The following TOP1MT variants were observed in gnomAD, a reference collection of about 807,000 sequenced individuals.
TOP1MT encodes the protein DNA topoisomerase I, mitochondrial.
In TOP1MT, 80 loss-of-function variants were observed where a neutral mutation model predicts 73.9. The observed-to-expected ratio is 1.08, with a 90% confidence interval of 0.90 to 1.30. The LOEUF (loss-of-function observed/expected upper bound fraction) is 1.30. TOP1MT is among the 50% of genes most tolerant of loss of function. The pLI is 0.00. For missense variants in TOP1MT, 815 were observed against 808.0 expected (o/e 1.01, Z -0.10); for synonymous variants, 338 against 326.4 (o/e 1.04, Z -0.38).
Position 143,331,261 on chromosome 8 carries a change from G to A in TOP1MT, c.201C>T (p.Tyr67=), listed in dbSNP as rs184814384. The change falls in exon 2 of 14, where the codon TAC becomes TAT. Residue 67 remains tyrosine, a synonymous_variant. Transcript: ENST00000329245. ...EHKGPYFAPP[Y]EPLPDGVRFF... is the part of the protein sequence containing the mutation. ...AACGCACTCCGTCGGGAAGGGGCTC[G>A]TATGGGGGTGCGAAGTACGGGCCCT... The A allele has an allele frequency of 1.0e-4, 161 of 1,612,078 alleles. 1 individual carries two copies. The Middle Eastern group carries it at 1.5e-3, about 15-fold the overall frequency.
At chr8:143,345,154 C>T (rs1817198288), upstream of TOP1MT, among the ~76,000 whole-genome samples, 1 of 152,186 alleles carries the variant, frequency 6.6e-6, no homozygotes, top group African/African-American at 2.4e-5. Context: ...GGAGACTCCC[C>T]ATAGACAGGT....
At chr8:143,321,542 C>T (rs865869527) in intron 7 of TOP1MT, among the ~76,000 whole-genome samples, 156 bp from the exon 8 acceptor site, 7,507 of 125,872 alleles carry the variant, frequency 0.06, 440 homozygotes, top group Non-Finnish European at 0.085. Flanking sequence ...CACACACGCA[C>T]GCCACACACG....
intron 8 of TOP1MT, 64 bp downstream of exon 8, chr8:143,321,137 G>A (rs565784814): frequency 3.5e-5 from 52 of 1,469,822 alleles, no homozygotes; most frequent in East Asian, 2.0e-4. Flanking sequence ...GCTCCGGCAC[G>A]CCCCCAGACA....
At chr8:143,351,942 G>C (rs1019294359) in intron 1 of TOP1MT, among the ~76,000 whole-genome samples, 1 of 152,188 alleles carries the variant, frequency 6.6e-6, no homozygotes, top group African/African-American at 2.4e-5. Flanking sequence ...AATTAGCTGA[G>C]TGTGGTGGCA....
chr8:143,324,941 G>C (rs1265099875), intron 5 of TOP1MT, among the ~76,000 whole-genome samples: 1 of 152,210 alleles, frequency 6.6e-6, no homozygotes, highest in Non-Finnish European at 1.5e-5. Flanking sequence ...CCTGGCCACT[G>C]GGGGTCCTGC....
At chr8:143,328,180 C>A (rs906550442) in intron 3 of TOP1MT, 3 of 450,640 alleles carry the variant, frequency 6.7e-6, no homozygotes, top group African/African-American at 2.0e-5. Flanking sequence ...AAACAGGACA[C>A]AAAAGTACTC....
chr8:143,315,879 C>CCCACACCCTT (rs1256594885), intron 11 of TOP1MT, 58 bp from the exon 12 acceptor site: 44 of 1,604,070 alleles, frequency 2.7e-5, no homozygotes, highest in Non-Finnish European at 3.7e-5. Context: ...AGCCCCTGTG[C>CCCACACCCTT]CCACACCCTT....
upstream of TOP1MT, among the ~76,000 whole-genome samples, chr8:143,339,144 C>T (rs1817031086): frequency 1.3e-5 from 2 of 152,184 alleles, no homozygotes; most frequent in Non-Finnish European, 2.9e-5. Context: ...GCCCAGCAGA[C>T]ACAGCTGCGA....
chr8:143,322,651 A>ACG (rs1816501953), intron 7 of TOP1MT, among the ~76,000 whole-genome samples: 3 of 77,768 alleles, frequency 3.9e-5, no homozygotes, highest in African/African-American at 1.2e-4. Context: ...CGCCACACGC[A>ACG]CACCACACAC....
chr8:143,324,023 C>A lies in TOP1MT; in HGVS notation c.936G>T (p.Ala312=). 1 of 1,613,800 alleles carries A rather than the reference C, an allele frequency of 6.2e-7. No individual in the cohort carries two copies. Residue 312 remains alanine, a synonymous_variant, in exon 7 of 14, where the codon GCG becomes GCT. Coordinates refer to ENST00000329245, the MANE Select transcript of TOP1MT (RefSeq NM_052963.3). Reference sequence around the variant, plus strand: ...CCTTATCGATGAAATACAGGGCCACCGCCCGCTGTCTCGTCTTCATTTCCC... The same window carrying A: ...CCTTATCGATGAAATACAGGGCCACAGCCCGCTGTCTCGTCTTCATTTCCC... ...KSREMKTRQR[A]VALYFIDKLA...
Position 143,319,488 on chromosome 8 carries a change from G to A in TOP1MT, c.1147-1402C>T, listed in dbSNP as rs112921067. On this transcript the variant is annotated intron_variant, in intron 8 of 13. Coordinates refer to ENST00000329245, the MANE Select transcript of TOP1MT (RefSeq NM_052963.3). ...TCACATTTGTGCTTTTGAGGTGCAG[G>A]GAGTTCGTGCGTGGATCTGTCCAAC... Among the ~76,000 whole-genome samples, 190 of 152,052 alleles carry A rather than the reference G, an allele frequency of 1.2e-3. 1 individual carries two copies. The highest frequency in any genetic ancestry group is 4.4e-3 in the African/African-American group (182 of 41,456).
intron 10 of TOP1MT, 51 bp downstream of exon 10, chr8:143,317,672 G>C: frequency 6.9e-7 from 1 of 1,445,576 alleles, no homozygotes; most frequent in Non-Finnish European, 9.3e-7. Context: ...CCCGGTCTGG[G>C]GCAGGGGCCG....
intron 7 of TOP1MT, among the ~76,000 whole-genome samples, chr8:143,321,902 ACACACACAGGCACG>A (rs1816415230): frequency 3.4e-5 from 1 of 29,478 alleles, no homozygotes; most frequent in African/African-American, 1.1e-4. Flanking sequence ...CAGGCACGCC[ACACACACAGGCACG>A]CCACACACAT....
At chr8:143,325,582 C>G in intron 4 of TOP1MT, 49 bp from the exon 5 acceptor site, 1 of 1,556,718 alleles carries the variant, frequency 6.4e-7, no homozygotes, top group South Asian at 1.1e-5. Flanking sequence ...GAGAAGAGAA[C>G]AGGCCTCAGT....
At chr8:143,347,712 C>G (rs1048337499), upstream of TOP1MT, among the ~76,000 whole-genome samples, 2 of 151,332 alleles carry the variant, frequency 1.3e-5, no homozygotes, top group Non-Finnish European at 2.9e-5. Context: ...AGCCAGCCAG[C>G]CAGCCAGCCA....
chr8:143,313,903 C>A (rs75795354), intron 12 of TOP1MT, among the ~76,000 whole-genome samples: 1 of 151,456 alleles, frequency 6.6e-6, no homozygotes, highest in Non-Finnish European at 1.5e-5. Context: ...CAAGAGTGGG[C>A]GAAACATCGA....
chr8:143,328,365 G>C (rs1012431125), intron 3 of TOP1MT: 4 of 432,132 alleles, frequency 9.3e-6, no homozygotes, highest in Admixed American at 8.2e-5. Flanking sequence ...CGAGGAATAC[G>C]CAAGCAACTC....
chr8:143,338,110 G>A (rs867243500), upstream of TOP1MT, among the ~76,000 whole-genome samples: 4 of 152,088 alleles, frequency 2.6e-5, no homozygotes, highest in African/African-American at 4.8e-5. Flanking sequence ...CCCTAAAACC[G>A]GTGTCCGAGA....
upstream of TOP1MT, among the ~76,000 whole-genome samples, chr8:143,346,294 C>A (rs1817219698): frequency 6.6e-6 from 1 of 152,204 alleles, no homozygotes; most frequent in Non-Finnish European, 1.5e-5. Context: ...ACAGGCAGTG[C>A]AGGAACAGAA....
Sources: gnomAD v4.1 joint callset for allele counts (sites outside exome capture counted in the v4.1 genomes callset) on GRCh38, gnomAD v4.1.1 for gene constraint, MANE v1.5 for transcripts, NCBI Gene and HGNC (gene_info 2026-07-23, HGNC 2026-07-21) for gene names.